Variants in IFT80 observed in about 807,000 individuals in gnomAD.
IFT80 encodes the protein intraflagellar transport protein 80 homolog.
A neutral mutation model predicts 107.9 loss-of-function variants in IFT80; 79 were observed. The observed-to-expected ratio is 0.73, with a 90% CI of 0.61 to 0.88. IFT80 has a LOEUF of 0.88. IFT80 is among the 40% of genes least tolerant of loss of function. The probability of loss-of-function intolerance (pLI) is 0.00; values close to 1 mark genes in which losing one functional copy is unlikely to be tolerated. For synonymous variants in IFT80, 299 were observed against 300.9 expected (o/e 0.99, Z 0.07); for missense variants, 797 against 914.2 (o/e 0.87, Z 1.65).
At chr3:160,314,569 T>G (rs1717653072) in intron 9 of IFT80, among the ~76,000 whole-genome samples, 1 of 152,142 alleles carries the variant, frequency 6.6e-6, no homozygotes, top group Admixed American at 6.6e-5. Context: ...TGACTCAACA[T>G]GATCTCTGGT....
intron 9 of IFT80, among the ~76,000 whole-genome samples, chr3:160,313,675 T>G (rs1717578212): frequency 6.6e-6 from 1 of 151,244 alleles, no homozygotes; most frequent in Non-Finnish European, 1.5e-5. Context: ...AGTGGCGTGA[T>G]CTCAGCCCAC....
chr3:160,280,443 A>G lies in IFT80; in HGVS notation c.1664+224T>C, dbSNP rs569974003. On this transcript the variant is annotated intron_variant, in intron 15 of 19. Transcript: ENST00000326448. Reference sequence around the variant, plus strand: ...ACCATTACACAATATTAAGCTTGAAAATTATATTCATATAAGGGACAAATA... The same window carrying G: ...ACCATTACACAATATTAAGCTTGAAGATTATATTCATATAAGGGACAAATA... Among the ~76,000 whole-genome samples the G allele has an allele frequency of 1.2e-4, 18 of 152,328 alleles. No homozygotes were observed. In the South Asian group the frequency reaches 3.5e-3, roughly 30 times the overall value.
At chr3:160,341,116 C>A (rs1719862389) in intron 8 of IFT80, among the ~76,000 whole-genome samples, 1 of 151,866 alleles carries the variant, frequency 6.6e-6, no homozygotes, top group East Asian at 1.9e-4. Flanking sequence ...GGCAATCCTG[C>A]CACTTCAGCC....
intron 1 of IFT80, among the ~76,000 whole-genome samples, chr3:160,386,648 C>G (rs1712956983): frequency 6.6e-6 from 1 of 152,176 alleles, no homozygotes; most frequent in Non-Finnish European, 1.5e-5. Context: ...AATCTGGTCA[C>G]TTCTCAGCAC....
At position 160,300,813 on chromosome 3, in the gene IFT80, T is replaced by C. The variant is rs150087133; in HGVS notation, c.1315+70A>G. On this transcript the variant is annotated intron_variant, in intron 12 of 19. Transcript: ENST00000326448. ...TACTGGTAGATAAGAAAATGTAAGT[T>C]AATTTGTGAAAATTTTATAGTGTTA... 1.7e-3 allele frequency: 2,108 copies of C among 1,224,014 alleles called. 6 individuals are homozygous for C. Among genetic ancestry groups the C allele is most frequent in the South Asian group, 4.3e-3 (317 of 74,048 alleles). The allele number at this position is 1,224,014 out of a possible 1,614,324, so 75.8% of individuals were successfully genotyped here. A position where few individuals can be genotyped will look rare whatever the true frequency, so the allele number is the denominator to read the frequency against.
intron 8 of IFT80, among the ~76,000 whole-genome samples, chr3:160,328,360 G>A (rs924944087): frequency 9.3e-5 from 14 of 151,218 alleles, no homozygotes; most frequent in African/African-American, 3.4e-4. Flanking sequence ...TACTTGGGAG[G>A]CTGAGGCAGG....
At chr3:160,262,775 A>T (rs1272162536) in intron 19 of IFT80, among the ~76,000 whole-genome samples, 1 of 152,176 alleles carries the variant, frequency 6.6e-6, no homozygotes, top group Non-Finnish European at 1.5e-5. Flanking sequence ...TTAGCTCAAA[A>T]ATATAAGTGT....
chr3:160,349,871 A>G (rs930266140), intron 8 of IFT80, among the ~76,000 whole-genome samples: 1 of 152,178 alleles, frequency 6.6e-6, no homozygotes. Flanking sequence ...AGCAGTTACC[A>G]TATCTACTTA....
chr3:160,387,104 TTAGA>T (rs1436875914), intron 1 of IFT80, among the ~76,000 whole-genome samples: 1 of 152,254 alleles, frequency 6.6e-6, no homozygotes. Flanking sequence ...TGAAAGTGAC[TTAGA>T]TAAAGGACAA....
intron 6 of IFT80, among the ~76,000 whole-genome samples, chr3:160,365,241 C>T (rs1721787091): frequency 6.6e-6 from 1 of 152,074 alleles, no homozygotes; most frequent in Non-Finnish European, 1.5e-5. Context: ...TCTATTCTTG[C>T]ATGTCCCTAT....
chr3:160,397,216 C>T (rs4680580), intron 1 of IFT80, among the ~76,000 whole-genome samples: 79,674 of 151,868 alleles, frequency 0.52, 21,351 homozygotes, highest in African/African-American at 0.56. Flanking sequence ...TTCTCACTTA[C>T]TGTTATATAG....
chr3:160,275,903 C>CTTAT (rs1251390844), intron 18 of IFT80, among the ~76,000 whole-genome samples: 1 of 151,842 alleles, frequency 6.6e-6, no homozygotes, highest in African/African-American at 2.4e-5. Context: ...AAGACAATGG[C>CTTAT]TTATTTATTT....
chr3:160,268,851 C>T (rs1576726529), intron 18 of IFT80: 2 of 305,050 alleles, frequency 6.6e-6, no homozygotes, highest in East Asian at 1.6e-4. Context: ...AGTCTTTTTT[C>T]TCCACTAGCC....
chr3:160,297,424 G>T (rs1716068229), intron 12 of IFT80, among the ~76,000 whole-genome samples: 1 of 151,830 alleles, frequency 6.6e-6, no homozygotes, highest in Non-Finnish European at 1.5e-5. Flanking sequence ...TGAGTACTCA[G>T]CAAAAAAAAT....
chr3:160,394,735 G>A (rs974257767), intron 1 of IFT80, among the ~76,000 whole-genome samples: 2 of 151,216 alleles, frequency 1.3e-5, no homozygotes, highest in African/African-American at 4.9e-5. Flanking sequence ...GGGCGACAGA[G>A]TGATACTCCA....
At chr3:160,350,698 C>CCAGT (rs2108351718) in intron 8 of IFT80, among the ~76,000 whole-genome samples, 1 of 151,770 alleles carries the variant, frequency 6.6e-6, no homozygotes, top group South Asian at 2.1e-4. Flanking sequence ...GCGTGTAGTC[C>CCAGT]CAGTTACTTG....
chr3:160,318,501 T>G (rs1717983137), intron 9 of IFT80, among the ~76,000 whole-genome samples: 1 of 152,030 alleles, frequency 6.6e-6, no homozygotes, highest in South Asian at 2.1e-4. Context: ...GATCTTCTCC[T>G]TGTACCTTTC....
chr3:160,330,754 C>T (rs531069959), intron 8 of IFT80, among the ~76,000 whole-genome samples: 3 of 152,276 alleles, frequency 2.0e-5, no homozygotes, highest in African/African-American at 7.2e-5. Flanking sequence ...TTACCTGTTA[C>T]CCAGTTTCCA....
At chr3:160,334,916 A>G (rs1217267483) in intron 8 of IFT80, among the ~76,000 whole-genome samples, 1 of 151,674 alleles carries the variant, frequency 6.6e-6, no homozygotes, top group African/African-American at 2.4e-5. Flanking sequence ...GCTCTGGTTC[A>G]TTTTATAAAA....
Sources: allele counts gnomAD v4.1 joint callset (sites outside exome capture counted in the v4.1 genomes callset), GRCh38; gene constraint gnomAD v4.1.1; transcripts MANE v1.5; gene names NCBI Gene and HGNC (gene_info 2026-07-23, HGNC 2026-07-21).